The following ATRN variants were observed in gnomAD, a reference collection of about 807,000 sequenced individuals.
The protein encoded by ATRN is attractin.
ATRN carries 54 observed loss-of-function variants against 178.7 expected under a neutral mutation model. The ratio of observed to expected loss-of-function variants is 0.30; its 90% confidence interval spans 0.24 to 0.38. The LOEUF is 0.38. Ranked by LOEUF, ATRN falls within the 10% of genes least tolerant of loss-of-function variation. ATRN has a pLI of 1.00. For synonymous variants in ATRN, 636 were observed against 663.0 expected (o/e 0.96, Z 0.63); for missense variants, 1,443 against 1,815.1 (o/e 0.79, Z 3.73).
At chr20:3,558,625 T>C (rs1024369228) in intron 6 of ATRN, among the ~76,000 whole-genome samples, 1 of 152,040 alleles carries the variant, frequency 6.6e-6, no homozygotes, top group Non-Finnish European at 1.5e-5. Flanking sequence ...TCTGGAATGA[T>C]GTTTACTTAA....
chr20:3,514,798 A>T (rs1481997957), intron 1 of ATRN, among the ~76,000 whole-genome samples: 2 of 152,010 alleles, frequency 1.3e-5, no homozygotes, highest in African/African-American at 2.4e-5. Flanking sequence ...TCTCTACAAA[A>T]ATGACAAAAT....
chr20:3,606,836 TTAA>T (rs1257113480), intron 24 of ATRN, among the ~76,000 whole-genome samples: 2 of 152,224 alleles, frequency 1.3e-5, no homozygotes, highest in African/African-American at 4.8e-5. Context: ...TGATATCATG[TTAA>T]ACTAACTTTT....
chr20:3,520,452 T>G (rs1475755117), intron 1 of ATRN, among the ~76,000 whole-genome samples: 1 of 152,196 alleles, frequency 6.6e-6, no homozygotes, highest in African/African-American at 2.4e-5. Context: ...AAAAGTTCAG[T>G]AGTATTTCCA....
At chr20:3,607,578 T>C (rs775303469) in intron 24 of ATRN, among the ~76,000 whole-genome samples, 11 of 152,230 alleles carry the variant, frequency 7.2e-5, no homozygotes, top group Non-Finnish European at 1.6e-4. Flanking sequence ...CTGAATAATA[T>C]TTCATTGTAT....
chr20:3,508,390 G>T (rs2085077186), intron 1 of ATRN, among the ~76,000 whole-genome samples: 1 of 152,020 alleles, frequency 6.6e-6, no homozygotes, highest in African/African-American at 2.4e-5. Context: ...TAGACTCCTG[G>T]GCCATGTAAG....
chr20:3,644,481 G>T (rs528665790), intron 28 of ATRN, among the ~76,000 whole-genome samples: 1 of 152,142 alleles, frequency 6.6e-6, no homozygotes, highest in Non-Finnish European at 1.5e-5. Context: ...GGGACGTCCC[G>T]GGACCTCCTC....
chr20:3,627,151 G>A (rs2086948126), intron 25 of ATRN, among the ~76,000 whole-genome samples: 1 of 152,192 alleles, frequency 6.6e-6, no homozygotes, highest in Non-Finnish European at 1.5e-5. Context: ...AGAAAATACT[G>A]AAAACTTGTG....
intron 1 of ATRN, among the ~76,000 whole-genome samples, chr20:3,513,960 C>T (rs2085172400): frequency 6.6e-6 from 1 of 152,114 alleles, no homozygotes; most frequent in Non-Finnish European, 1.5e-5. Context: ...TGAGAGTTTG[C>T]TGAAGTTGCT....
chr20:3,610,134 T>TA (rs939973054), intron 24 of ATRN, among the ~76,000 whole-genome samples: 3 of 152,118 alleles, frequency 2.0e-5, no homozygotes, highest in African/African-American at 7.2e-5. Context: ...CTTACTACAA[T>TA]AAAAAAAGTC....
At chr20:3,515,640 C>A (rs2085196847) in intron 1 of ATRN, among the ~76,000 whole-genome samples, 1 of 152,130 alleles carries the variant, frequency 6.6e-6, no homozygotes, top group Admixed American at 6.5e-5. Flanking sequence ...AAGTAGACAA[C>A]TTTCAACAAG....
At chr20:3,566,105 A>G (rs1208577840) in intron 11 of ATRN, among the ~76,000 whole-genome samples, 1 of 152,162 alleles carries the variant, frequency 6.6e-6, no homozygotes, top group Non-Finnish European at 1.5e-5. Context: ...TCAAGTTCCT[A>G]GTAGTTGTAT....
intron 1 of ATRN, among the ~76,000 whole-genome samples, chr20:3,494,371 A>AG (rs1232275154): frequency 6.6e-6 from 1 of 152,162 alleles, no homozygotes; most frequent in African/African-American, 2.4e-5. Flanking sequence ...AGAGGTTTCC[A>AG]GGCAAGTTTT....
Position 3,646,769 on chromosome 20 carries a change from G to A in ATRN, c.4212G>A (p.Pro1404=), listed in dbSNP as rs780276359. The change falls in exon 29 of 29, where the codon CCG becomes CCA. Residue 1404 remains proline (P), a synonymous_variant. Transcript: ENST00000262919. Reference sequence around the variant, plus strand: ...TGGTGGACATTTCTCAGCAGATGCCGATAGTGTACAAGGAGAAGTCAGGAG... The same window carrying A: ...TGGTGGACATTTCTCAGCAGATGCCAATAGTGTACAAGGAGAAGTCAGGAG... ...SALVDISQQM[P]IVYKEKSGAV... 5.1e-5 allele frequency: 82 copies of A among 1,607,584 alleles called. No homozygotes were observed. Among genetic ancestry groups the A allele is most frequent in the Non-Finnish European group, 6.5e-5 (76 of 1,177,006 alleles).
intron 1 of ATRN, among the ~76,000 whole-genome samples, chr20:3,512,951 G>C (rs1198039560): frequency 6.6e-6 from 1 of 151,998 alleles, no homozygotes; most frequent in Non-Finnish European, 1.5e-5. Context: ...TTTTTGATGG[G>C]GTTGTTTGTT....
chr20:3,515,936 A>G (rs1365369268), intron 1 of ATRN, among the ~76,000 whole-genome samples: 3 of 151,942 alleles, frequency 2.0e-5, no homozygotes, highest in African/African-American at 4.8e-5. Flanking sequence ...TAGTCATGGG[A>G]AAAAAATATA....
At chr20:3,545,953 A>G (rs1359830856) in intron 4 of ATRN, 63 bp downstream of exon 4, 17 of 1,548,098 alleles carry the variant, frequency 1.1e-5, no homozygotes, top group Non-Finnish European at 1.4e-5. Flanking sequence ...TGTTTTAACA[A>G]CAATAATGGC....
intron 15 of ATRN, among the ~76,000 whole-genome samples, chr20:3,581,710 C>T (rs1232642159): frequency 6.6e-6 from 1 of 152,110 alleles, no homozygotes; most frequent in Non-Finnish European, 1.5e-5. Flanking sequence ...TGGGGGTAGC[C>T]ATCTCTTCAT....
At chr20:3,615,444 A>T (rs1046387614) in intron 24 of ATRN, among the ~76,000 whole-genome samples, 6 of 150,988 alleles carry the variant, frequency 4.0e-5, no homozygotes, top group Admixed American at 1.3e-4. Context: ...AAAAAAAAAA[A>T]TTTTTCTTTA....
At chr20:3,486,724 A>G (rs1188619259) in intron 1 of ATRN, among the ~76,000 whole-genome samples, 1 of 152,026 alleles carries the variant, frequency 6.6e-6, no homozygotes, top group Admixed American at 6.5e-5. Context: ...CTCATAGTCT[A>G]TCTCTGTTAT....
Sources: allele counts gnomAD v4.1 joint callset (sites outside exome capture counted in the v4.1 genomes callset), GRCh38; gene constraint gnomAD v4.1.1; transcripts MANE v1.5; gene names NCBI Gene and HGNC (gene_info 2026-07-23, HGNC 2026-07-21).